CCDC136: variants seen among roughly 807,000 people sequenced by gnomAD.
The protein encoded by CCDC136 is coiled-coil domain containing 136.
In CCDC136, 100 loss-of-function variants were observed where a neutral mutation model predicts 141.2. The ratio of observed to expected loss-of-function variants is 0.71; its 90% CI spans 0.60 to 0.84. CCDC136 has a LOEUF of 0.84. Ranked by LOEUF, CCDC136 falls within the 40% of genes least tolerant of loss-of-function variation. CCDC136 has a pLI of 0.00. For synonymous variants in CCDC136, 474 were observed against 531.9 expected (o/e 0.89, Z 1.50); for missense variants, 1,206 against 1,379.4 (o/e 0.87, Z 1.99).
chr7:128,791,600 TC>T, upstream of CCDC136: 1 of 1,142,648 alleles, frequency 8.8e-7, no homozygotes, highest in Non-Finnish European at 1.1e-6. This position sits in a 1 kb window ranked among gnomAD's most constrained non-coding sequence, Gnocchi z 7.1. Context: ...CTTTCTCTCC[TC>T]CATCCCTCCT....
chr7:128,800,223 T>C (rs551971604), intron 3 of CCDC136, among the ~76,000 whole-genome samples: 3 of 152,234 alleles, frequency 2.0e-5, no homozygotes, highest in Non-Finnish European at 4.4e-5. Context: ...GTTTTCACCA[T>C]AGATCTGATA....
chr7:128,794,376 GGAGGAA>G lies in CCDC136; in HGVS notation c.63_68del (p.Glu25_Glu26del), dbSNP rs539120350. ...AGGTGTTACTCCCAGCTCTCTATGA[GGAGGAA>G]GAGGAAGAGGAAGAGGAGGAAGAAG... On this transcript the variant is annotated inframe_deletion, in exon 2 of 18. Transcript: ENST00000297788. This position sits in a 1 kb window ranked among gnomAD's most constrained non-coding sequence, Gnocchi z 4.3. The G allele has an allele frequency of 1.4e-3, 2,201 of 1,554,294 alleles. 26 individuals carry two copies. The East Asian group carries it at 0.031, about 22-fold the overall frequency.
At chr7:128,815,376 G>A (rs1806434357) in intron 15 of CCDC136, among the ~76,000 whole-genome samples, 1 of 152,230 alleles carries the variant, frequency 6.6e-6, no homozygotes, top group South Asian at 2.1e-4. Flanking sequence ...AGACTCTTTA[G>A]TTGTGGTAGC....
intron 10 of CCDC136, 87 bp downstream of exon 10, chr7:128,807,632 C>A: frequency 1.1e-6 from 1 of 900,898 alleles, no homozygotes; most frequent in Non-Finnish European, 1.5e-6. Context: ...GCACCCAACC[C>A]AAGGGCTTGA....
chr7:128,820,702 G>A (rs59197085), intron 17 of CCDC136, among the ~76,000 whole-genome samples: 15,236 of 152,190 alleles, frequency 0.1, 832 homozygotes, highest in East Asian at 0.19. Context: ...GGTCTCAAGC[G>A]ATCCTCCTCC....
At chr7:128,803,175 A>G (rs1042249025) in intron 4 of CCDC136, among the ~76,000 whole-genome samples, 2 of 152,120 alleles carry the variant, frequency 1.3e-5, no homozygotes, top group African/African-American at 4.8e-5. Flanking sequence ...ATTCTTTTTC[A>G]ATTTTTTGCT....
chr7:128,794,572 C>A lies in CCDC136; in HGVS notation c.241C>A (p.Gln81Lys). Reference protein sequence around the residue: ...ELEETRELAGQHEDDSLELQG... With the variant: ...ELEETRELAGKHEDDSLELQG... ...GGAGGAGACCCGGGAACTGGCAGGGCAGCATGAGGATGACTCCTTGGAGCT... is the reference window on the plus strand; with the variant it reads ...GGAGGAGACCCGGGAACTGGCAGGGAAGCATGAGGATGACTCCTTGGAGCT... The change falls in exon 2 of 18, where the codon CAG becomes AAG. Residue 81 changes from glutamine to lysine, a missense_variant. Coordinates refer to ENST00000297788, the MANE Select transcript of CCDC136 (RefSeq NM_022742.5). This position sits in a 1 kb window ranked among gnomAD's most constrained non-coding sequence, Gnocchi z 4.3. 2 of 1,556,828 alleles carry A rather than the reference C, an allele frequency of 1.3e-6. No individual in the cohort carries two copies. Among genetic ancestry groups the A allele is most frequent in the Non-Finnish European group, 1.7e-6 (2 of 1,150,232 alleles).
upstream of CCDC136, among the ~76,000 whole-genome samples, chr7:128,791,132 C>T (rs55867152): frequency 4.6e-5 from 7 of 152,128 alleles, no homozygotes; most frequent in Non-Finnish European, 7.4e-5. The surrounding 1 kb of genome is among the most constrained non-coding windows in gnomAD (Gnocchi z 7.1). Context: ...GCACAGCAGA[C>T]CCCGGGGGGA....
chr7:128,792,280 G>GCCCCCCCCCC lies in CCDC136; in HGVS notation c.-126_-125insCCCCCCCCCC. 1.2e-5 allele frequency: 16 copies of GCCCCCCCCCC among 1,334,740 alleles called. No individual in the cohort carries two copies. The highest frequency in any genetic ancestry group is 3.6e-5 in the East Asian group (1 of 28,088). The allele number at this position is 1,334,740 out of a possible 1,614,324, so 82.7% of individuals were successfully genotyped here. A position where few individuals can be genotyped will look rare whatever the true frequency, so the allele number is the denominator to read the frequency against. On this transcript the variant is annotated 5_prime_UTR_variant, in exon 1 of 18. It removes the in-frame stop codon of an upstream open reading frame in the 5' UTR. Coordinates refer to ENST00000297788, the MANE Select transcript of CCDC136 (RefSeq NM_022742.5). ...TCCTCTGCACCCCAGCCCGCAGCCAGCCCCCCACCCCCCAGCCCCTCCTTT... is the reference window on the plus strand; with the variant it reads ...TCCTCTGCACCCCAGCCCGCAGCCAGCCCCCCCCCCCCCCCCACCCCCCAGCCCCTCCTTT...
rs781676383 is a variant in CCDC136, at chr7:128,792,446, CTTCT to C, written c.16+27_16+30del. 8 of 1,579,750 alleles carry C rather than the reference CTTCT, an allele frequency of 5.1e-6. No homozygotes were observed. Among genetic ancestry groups the C allele is most frequent in the Non-Finnish European group, 6.1e-6 (7 of 1,156,168 alleles). Reference sequence around the variant, plus strand: ...ATGGAGGGTGAGTTTTCCCAAAAGGCTTCTTTCTTTCCCCTCCCCTCCTCCCTTA... The same window carrying C: ...ATGGAGGGTGAGTTTTCCCAAAAGGCTTCTTTCCCCTCCCCTCCTCCCTTA... On this transcript the variant is annotated intron_variant, in intron 1 of 17. Coordinates refer to ENST00000297788, the MANE Select transcript of CCDC136 (RefSeq NM_022742.5).
At position 128,809,495 on chromosome 7, in the gene CCDC136, A is replaced by G. The variant is rs1429601795; in HGVS notation, c.1651A>G (p.Lys551Glu). 1.9e-6 allele frequency: 3 copies of G among 1,550,260 alleles called. No individual in the cohort carries two copies. Among genetic ancestry groups the G allele is most frequent in the Admixed American group, 3.9e-5 (2 of 51,020 alleles). ...SRLTELQEKY[K>E]ASQKEMGQLQ... is the part of the protein sequence containing the mutation. Reference sequence around the variant, plus strand: ...ACTGACAGAATTGCAGGAAAAGTACAAGGCCAGCCAGAAGGAGATGGGGCA... The same window carrying G: ...ACTGACAGAATTGCAGGAAAAGTACGAGGCCAGCCAGAAGGAGATGGGGCA... The change falls in exon 11 of 18, where the codon AAG becomes GAG. Residue 551 changes from lysine to glutamate, a missense_variant. Coordinates refer to ENST00000297788, the MANE Select transcript of CCDC136 (RefSeq NM_022742.5).
At position 128,815,611 on chromosome 7, in the gene CCDC136, C is replaced by T. The variant is rs1333815509; in HGVS notation, c.3046-3C>T. 1.1e-5 allele frequency: 17 copies of T among 1,550,760 alleles called. No individual in the cohort carries two copies. On this transcript the variant is annotated splice_polypyrimidine_tract_variant and splice_region_variant and intron_variant, in intron 15 of 17. Transcript: ENST00000297788. Reference sequence around the variant, plus strand: ...GCCATCCTGCCCTACTCCCACCCCACAGAGTCTGGAGGTAGTGCTGTACTA... The same window carrying T: ...GCCATCCTGCCCTACTCCCACCCCATAGAGTCTGGAGGTAGTGCTGTACTA...
At chr7:128,818,154 C>G (rs1352745340) in intron 17 of CCDC136, 1 of 357,412 alleles carries the variant, frequency 2.8e-6, no homozygotes, top group African/African-American at 2.2e-5. Flanking sequence ...TTGGTTGCTG[C>G]TGTCAAAGCT....
chr7:128,794,305 G>T lies in CCDC136; in HGVS notation c.17-43G>T. On this transcript the variant is annotated intron_variant, in intron 1 of 17. Coordinates refer to ENST00000297788, the MANE Select transcript of CCDC136 (RefSeq NM_022742.5). The surrounding 1 kb of genome is among the most constrained non-coding windows in gnomAD (Gnocchi z 4.3). ...AGGGCCCTGGAAGGACGGCAGAAAG[G>T]AAGTTGATGCTGACTCCTTGGTGGG... The T allele has an allele frequency of 6.4e-7, 1 of 1,551,548 alleles. No individual in the cohort carries two copies. The highest frequency in any genetic ancestry group is 1.2e-5 in the South Asian group (1 of 83,866).
intron 4 of CCDC136, 84 bp from the exon 5 acceptor site, chr7:128,804,566 G>C (rs1051466401): frequency 1.3e-6 from 1 of 791,962 alleles, no homozygotes; most frequent in South Asian, 1.5e-5. Context: ...TCTGCTCTCA[G>C]GTTTCAAGAC....
At chr7:128,807,279 C>T (rs1805006603) in intron 9 of CCDC136, 81 bp from the exon 10 acceptor site, 1 of 1,047,448 alleles carries the variant, frequency 9.5e-7, no homozygotes, top group South Asian at 2.5e-5. Context: ...GAAGATGGGT[C>T]CCCTTAGTCC....
At chr7:128,813,119 C>A (rs956765851) in intron 14 of CCDC136, among the ~76,000 whole-genome samples, 190 bp downstream of exon 14, 4 of 152,216 alleles carry the variant, frequency 2.6e-5, no homozygotes, top group Non-Finnish European at 4.4e-5. Flanking sequence ...GTCATCAGGA[C>A]TTCTCTCATC....
rs568312027 is a variant in CCDC136, at chr7:128,813,850, C to T, written c.2764-788C>T. ...ACACAAAATTAGCTGGGCATGGTGG[C>T]GCATGCCTGTAATGCCAGCTACTCA... On this transcript the variant is annotated intron_variant, in intron 14 of 17. Coordinates refer to ENST00000297788, the MANE Select transcript of CCDC136 (RefSeq NM_022742.5). Among the ~76,000 whole-genome samples, 13 of 152,080 alleles carry T rather than the reference C, an allele frequency of 8.5e-5. 1 individual carries two copies. The South Asian group carries it at 1.9e-3, about 22-fold the overall frequency.
intron 3 of CCDC136, among the ~76,000 whole-genome samples, chr7:128,800,423 T>G (rs1803837387): frequency 6.6e-6 from 1 of 151,578 alleles, no homozygotes; most frequent in Non-Finnish European, 1.5e-5. Context: ...CCCAAGTAGC[T>G]GGGATTACAG....
Sources: gnomAD v4.1 joint callset for allele counts (sites outside exome capture counted in the v4.1 genomes callset) on GRCh38, gnomAD v4.1.1 for gene constraint, Gnocchi (gnomAD v3.1) non-coding constraint, MANE v1.5 for transcripts, NCBI Gene and HGNC (gene_info 2026-07-23, HGNC 2026-07-21) for gene names.